EML5: variants seen among roughly 807,000 people sequenced by gnomAD.
EML5 encodes EMAP like 5.
A neutral mutation model predicts 250.0 loss-of-function variants in EML5; 120 were observed. The observed-to-expected ratio is 0.48, with a 90% CI of 0.41 to 0.56. The LOEUF (loss-of-function observed/expected upper bound fraction) is 0.56, where lower values mean the gene tolerates loss of function less well. EML5 is among the 20% of genes least tolerant of loss of function. The probability of loss-of-function intolerance (pLI) is 0.00; values close to 1 mark genes in which losing one functional copy is unlikely to be tolerated. For synonymous variants in EML5, 771 were observed against 806.5 expected (o/e 0.96, Z 0.75); for missense variants, 2,006 against 2,437.6 (o/e 0.82, Z 3.73).
chr14:88,655,990 G>A (rs758679844), intron 27 of EML5, among the ~76,000 whole-genome samples: 5 of 152,206 alleles, frequency 3.3e-5, no homozygotes, highest in Admixed American at 3.3e-4. Context: ...AAGATGTGGA[G>A]AAACAGCAAT....
At chr14:88,657,207 G>A (rs988720221) in intron 27 of EML5, among the ~76,000 whole-genome samples, 169 bp downstream of exon 27, 2 of 152,114 alleles carry the variant, frequency 1.3e-5, no homozygotes, top group African/African-American at 4.8e-5. Flanking sequence ...CACCCAGGCT[G>A]ATACCAAAAG....
At chr14:88,637,134 G>A (rs2090784162) in intron 32 of EML5, among the ~76,000 whole-genome samples, 1 of 152,172 alleles carries the variant, frequency 6.6e-6, no homozygotes, top group South Asian at 2.1e-4. Flanking sequence ...TTCTCTTTAT[G>A]TGTGAGGAGA....
chr14:88,625,252 G>T, intron 35 of EML5, 125 bp from the exon 36 acceptor site: 1 of 1,132,768 alleles, frequency 8.8e-7, no homozygotes, highest in Non-Finnish European at 1.2e-6. Flanking sequence ...ATCGTGTAGT[G>T]GCAGCAGCAC....
intron 31 of EML5, among the ~76,000 whole-genome samples, chr14:88,640,642 T>C (rs905381030): frequency 1.3e-5 from 2 of 151,986 alleles, no homozygotes; most frequent in African/African-American, 4.8e-5. Context: ...ACATCACACC[T>C]GGAGGAAATA....
intron 8 of EML5, among the ~76,000 whole-genome samples, chr14:88,725,324 TACC>T (rs1445407215): frequency 6.6e-6 from 1 of 152,170 alleles, no homozygotes; most frequent in Non-Finnish European, 1.5e-5. Flanking sequence ...TTATATATTT[TACC>T]ACAATAAAAA....
chr14:88,707,856 G>A (rs1313895503), intron 10 of EML5, among the ~76,000 whole-genome samples: 1 of 152,126 alleles, frequency 6.6e-6, no homozygotes, highest in Admixed American at 6.6e-5. Flanking sequence ...TGTCAAGAGG[G>A]CTTTGGCTAC....
intron 1 of EML5, among the ~76,000 whole-genome samples, chr14:88,756,178 G>T (rs1329979292): frequency 6.6e-6 from 1 of 152,152 alleles, no homozygotes; most frequent in African/African-American, 2.4e-5. Flanking sequence ...GAGAGAAGAT[G>T]AGTGGGAATA....
At chr14:88,672,373 G>C (rs11851442) in intron 21 of EML5, among the ~76,000 whole-genome samples, 3,051 of 152,222 alleles carry the variant, frequency 0.02, 117 homozygotes, top group African/African-American at 0.07. Flanking sequence ...CAAGATACCA[G>C]AATCTCTGGG....
chr14:88,766,477 C>A (rs992324895), intron 1 of EML5, among the ~76,000 whole-genome samples: 1 of 152,142 alleles, frequency 6.6e-6, no homozygotes, highest in Non-Finnish European at 1.5e-5. Flanking sequence ...TCTCCCATAG[C>A]GCTCCCAGGC....
rs1473277337 is a variant in EML5, at chr14:88,731,931, ATTTG to A, written c.1049+4429_1049+4432del. On this transcript the variant is annotated intron_variant, in intron 7 of 43. Coordinates refer to ENST00000554922, the MANE Select transcript of EML5 (RefSeq NM_183387.3). ...TGATGGGGTTGTTTTTTTCTAGTAA[ATTTG>A]TTTGAGTTCTTTGTAAATTCTGGAT... Among the ~76,000 whole-genome samples, 3 of 151,968 alleles carry A rather than the reference ATTTG, an allele frequency of 2.0e-5. No individual in the cohort carries two copies. The East Asian group carries it at 5.8e-4, about 29-fold the overall frequency.
At chr14:88,708,757 T>C (rs2093358242) in intron 10 of EML5, among the ~76,000 whole-genome samples, 1 of 152,152 alleles carries the variant, frequency 6.6e-6, no homozygotes, top group African/African-American at 2.4e-5. Flanking sequence ...TTGGACTCCA[T>C]TTTCTCAGTT....
chr14:88,695,487 T>G, intron 15 of EML5, 33 bp from the exon 16 acceptor site: 3 of 1,557,296 alleles, frequency 1.9e-6, no homozygotes, highest in Non-Finnish European at 2.6e-6. Context: ...ATAAACTGAC[T>G]ATTAACATTC....
At chr14:88,743,918 A>T in intron 4 of EML5, 105 bp downstream of exon 4, 1 of 568,120 alleles carries the variant, frequency 1.8e-6, no homozygotes, top group Non-Finnish European at 2.9e-6. Context: ...TTTAAAAATA[A>T]GTACTATCAA....
At chr14:88,772,821 C>T (rs578107927) in intron 1 of EML5, among the ~76,000 whole-genome samples, 1 of 152,078 alleles carries the variant, frequency 6.6e-6, no homozygotes, top group Non-Finnish European at 1.5e-5. Flanking sequence ...CTTTTGTTCA[C>T]TACACTCCAG....
rs116088316 is a variant in EML5, at chr14:88,711,488, A to G, written c.1657+783T>C. Among the ~76,000 whole-genome samples, 515 of 151,332 alleles carry G rather than the reference A, an allele frequency of 3.4e-3. 3 individuals are homozygous for G. Among genetic ancestry groups the G allele is most frequent in the African/African-American group, 0.012 (476 of 40,996 alleles). The stretch of plus-strand genomic sequence containing the variant: ...GCATGAAGGAGAAGTCCATGAGATC[A>G]CAGGAAAAACTACCATTTATAAAAC... On this transcript the variant is annotated intron_variant, in intron 10 of 43. Transcript: ENST00000554922.
At chr14:88,625,768 G>A (rs545129783) in intron 35 of EML5, 1 of 152,126 alleles carries the variant, frequency 6.6e-6, no homozygotes, top group Non-Finnish European at 1.5e-5. Flanking sequence ...AATTTGACAT[G>A]GCACAAACAT....
At chr14:88,717,754 CAAAACA>C (rs2093522763) in intron 8 of EML5, among the ~76,000 whole-genome samples, 1 of 103,550 alleles carries the variant, frequency 9.7e-6, no homozygotes, top group Non-Finnish European at 1.8e-5. Flanking sequence ...GACTCCGTCT[CAAAACA>C]ACAACAACAA....
At chr14:88,788,860 C>A (rs2094576803) in intron 1 of EML5, among the ~76,000 whole-genome samples, 1 of 149,898 alleles carries the variant, frequency 6.7e-6, no homozygotes, top group Admixed American at 6.7e-5. Flanking sequence ...GAGTCCAGCA[C>A]ACCAGCCTGG....
intron 27 of EML5, among the ~76,000 whole-genome samples, chr14:88,654,448 A>G: frequency 6.6e-6 from 1 of 152,136 alleles, no homozygotes; most frequent in East Asian, 1.9e-4. Context: ...AGACTGCTTT[A>G]GCTGTGTCCC....
Sources: allele counts gnomAD v4.1 joint callset (sites outside exome capture counted in the v4.1 genomes callset), GRCh38; gene constraint gnomAD v4.1.1; transcripts MANE v1.5; gene names NCBI Gene and HGNC (gene_info 2026-07-23, HGNC 2026-07-21).